The following SV2B variants were observed in gnomAD, a reference collection of about 807,000 sequenced individuals.
The protein encoded by SV2B is solute carrier family 22 member B2.
Under a neutral mutation model 73.9 loss-of-function variants are expected in SV2B, and 41 were observed. That is an observed-to-expected ratio of 0.56 (90% CI 0.43 to 0.72). The LOEUF (loss-of-function observed/expected upper bound fraction) is 0.72, where lower values mean the gene tolerates loss of function less well. SV2B is among the 30% of genes least tolerant of loss of function. SV2B has a pLI of 0.00. For missense variants in SV2B, 764 were observed against 857.8 expected (o/e 0.89, Z 1.37); for synonymous variants, 314 against 314.2 (o/e 1.00, Z 0.01).
chr15:91,153,283 C>T (rs2043372178), intron 1 of SV2B, among the ~76,000 whole-genome samples: 1 of 152,142 alleles, frequency 6.6e-6, no homozygotes, highest in Admixed American at 6.5e-5. Context: ...ACATTCGAAC[C>T]ATAGCAGCAG....
At chr15:91,168,112 A>G (rs1279071478) in intron 1 of SV2B, among the ~76,000 whole-genome samples, 4 of 152,140 alleles carry the variant, frequency 2.6e-5, no homozygotes, top group Non-Finnish European at 5.9e-5. Flanking sequence ...CTTGGGCATG[A>G]ACTAGGATTT....
intron 1 of SV2B, among the ~76,000 whole-genome samples, 168 bp from the exon 2 acceptor site, chr15:91,225,705 C>T (rs1175912030): frequency 1.3e-5 from 2 of 152,160 alleles, no homozygotes; most frequent in Admixed American, 6.5e-5. Context: ...TCCACTCTCA[C>T]CGATTCAATC....
intron 1 of SV2B, among the ~76,000 whole-genome samples, 197 bp from the exon 2 acceptor site, chr15:91,225,676 G>A (rs1039918422): frequency 2.6e-5 from 4 of 152,060 alleles, no homozygotes; most frequent in Non-Finnish European, 1.5e-5. Flanking sequence ...CTCTGACCAC[G>A]GTTCCTTCTC....
chr15:91,226,617 C>T lies in SV2B; in HGVS notation c.354C>T (p.Ala118=). The change falls in exon 2 of 13, where the codon GCC becomes GCT. Residue 118 remains alanine, a synonymous_variant. Transcript: ENST00000394232. ...TCCTCTTTTTCGTCTTGGGTTTGGC[C>T]CTGATGGCCGATGGGGTGGAAGTGT... The part of the protein sequence containing the change: ...QWILFFVLGL[A]LMADGVEVFV... 6.2e-7 allele frequency: 1 copy of T among 1,614,154 alleles called. No individual in the cohort carries two copies. Among genetic ancestry groups the T allele is most frequent in the Non-Finnish European group, 8.5e-7 (1 of 1,180,018 alleles).
At chr15:91,271,270 T>C (rs542597795) in intron 9 of SV2B, among the ~76,000 whole-genome samples, 1 of 152,346 alleles carries the variant, frequency 6.6e-6, no homozygotes, top group East Asian at 1.9e-4. Context: ...AGATGAATTC[T>C]TTTAAGGAGA....
chr15:91,134,566 C>G (rs2042760438), intron 1 of SV2B, among the ~76,000 whole-genome samples: 1 of 152,146 alleles, frequency 6.6e-6, no homozygotes, highest in South Asian at 2.1e-4. Context: ...CAGGCACTGT[C>G]TGGAGCAACT....
chr15:91,113,667 C>T (rs2042097986), intron 1 of SV2B, among the ~76,000 whole-genome samples: 1 of 152,150 alleles, frequency 6.6e-6, no homozygotes, highest in African/African-American at 2.4e-5. Context: ...TCAATATTTT[C>T]CCTTTTCTTC....
chr15:91,270,640 A>C (rs986660548), intron 9 of SV2B, among the ~76,000 whole-genome samples: 3 of 152,226 alleles, frequency 2.0e-5, no homozygotes, highest in Non-Finnish European at 4.4e-5. Flanking sequence ...TGCAGTTCTG[A>C]CACTTAGCTA....
chr15:91,226,365 T>C lies in SV2B; in HGVS notation c.102T>C (p.Asp34=), dbSNP rs1397350798. 8 of 1,613,984 alleles carry C rather than the reference T, an allele frequency of 5.0e-6. No homozygotes were observed. The highest frequency in any genetic ancestry group is 6.8e-6 in the Non-Finnish European group (8 of 1,180,012). ...ACCCAGAAGAAGATGCACAGAGTGATGTCACCGAAGGCCATGATGAGGAAG... is the reference window on the plus strand; with the variant it reads ...ACCCAGAAGAAGATGCACAGAGTGACGTCACCGAAGGCCATGATGAGGAAG... ...ESNPEEDAQS[D]VTEGHDEEDE... is the part of the protein sequence containing the mutation. Residue 34 remains aspartate, a synonymous_variant, in exon 2 of 13, where the codon GAT becomes GAC. Transcript: ENST00000394232.
At chr15:91,203,593 G>A (rs1342825072) in intron 1 of SV2B, among the ~76,000 whole-genome samples, 1 of 152,168 alleles carries the variant, frequency 6.6e-6, no homozygotes, top group Non-Finnish European at 1.5e-5. Flanking sequence ...TCTTGTTACG[G>A]TTTAGCTTGG....
chr15:91,188,566 C>T lies in SV2B; in HGVS notation c.-391-37307C>T, dbSNP rs530194705. Among the ~76,000 whole-genome samples, 69 of 152,120 alleles carry T rather than the reference C, an allele frequency of 4.5e-4. 1 individual carries two copies. Among genetic ancestry groups the T allele is most frequent in the African/African-American group, 1.3e-3 (54 of 41,500 alleles). On this transcript the variant is annotated intron_variant, in intron 1 of 12. Transcript: ENST00000394232. ...TTCTGACCTCGTGATCCACCCACCT[C>T]GGCCTCCCAAAGTGCTGGGATTACA...
chr15:91,103,759 A>T (rs905937777), intron 1 of SV2B, among the ~76,000 whole-genome samples: 7 of 152,208 alleles, frequency 4.6e-5, no homozygotes, highest in Admixed American at 1.3e-4. Flanking sequence ...AGGCTGGGTC[A>T]AGGTCAGAGA....
At chr15:91,222,883 T>A (rs1004898700) in intron 1 of SV2B, among the ~76,000 whole-genome samples, 1 of 152,258 alleles carries the variant, frequency 6.6e-6, no homozygotes, top group Non-Finnish European at 1.5e-5. Flanking sequence ...CACTTGTGGT[T>A]GTTTTATCAT....
intron 1 of SV2B, among the ~76,000 whole-genome samples, chr15:91,163,518 T>C (rs1264982723): frequency 3.3e-5 from 5 of 152,240 alleles, no homozygotes; most frequent in African/African-American, 9.6e-5. Context: ...TGGCCAGTGA[T>C]GATGAGCATT....
Position 91,289,846 on chromosome 15 carries a change from G to C in SV2B, c.1868+166G>C, listed in dbSNP as rs971682156. ...CTTCTCCTGCATGGTGGATGGCATA[G>C]ACCTGAAAGTTGGCAGGCTAGGGCT... On this transcript the variant is annotated intron_variant, in intron 12 of 12. Coordinates refer to ENST00000394232, the MANE Select transcript of SV2B (RefSeq NM_001323032.3). This position sits in a 1 kb window ranked among gnomAD's most constrained non-coding sequence, Gnocchi z 4.9. Among the ~76,000 whole-genome samples, 1 of 152,212 alleles carries C rather than the reference G, an allele frequency of 6.6e-6. No homozygotes were observed. The highest frequency in any genetic ancestry group is 6.5e-5 in the Admixed American group (1 of 15,286).
chr15:91,119,199 A>G (rs2042259315), intron 1 of SV2B, among the ~76,000 whole-genome samples: 1 of 152,250 alleles, frequency 6.6e-6, no homozygotes, highest in Admixed American at 6.5e-5. Context: ...GGTAGGAGCT[A>G]TCTTTTTAAG....
At chr15:91,149,102 A>G (rs779730171) in intron 1 of SV2B, among the ~76,000 whole-genome samples, 5 of 152,232 alleles carry the variant, frequency 3.3e-5, no homozygotes, top group Non-Finnish European at 5.9e-5. Flanking sequence ...TTCAAGATCT[A>G]TTGAAAAATA....
chr15:91,292,545 T>C lies in SV2B; in HGVS notation c.2045T>C (p.Leu682Pro), dbSNP rs1323622758. 6.2e-7 allele frequency: 1 copy of C among 1,612,908 alleles called. No individual in the cohort carries two copies. The highest frequency in any genetic ancestry group is 8.5e-7 in the Non-Finnish European group (1 of 1,179,698). Reference protein sequence around the residue: ...LRLPETREQVLM With the variant: ...LRLPETREQVPM ...CTGCCAGAGACTCGAGAACAGGTCCTGATGTGAACAACCTATGGGAAAAGG... is the reference window on the plus strand; with the variant it reads ...CTGCCAGAGACTCGAGAACAGGTCCCGATGTGAACAACCTATGGGAAAAGG... The change falls in exon 13 of 13, where the codon CTG (leucine) becomes CCG (proline). Residue 682 changes from leucine (L) to proline (P), a missense_variant. Coordinates refer to ENST00000394232, the MANE Select transcript of SV2B (RefSeq NM_001323032.3).
intron 1 of SV2B, among the ~76,000 whole-genome samples, chr15:91,196,315 A>G (rs547666567): frequency 6.6e-6 from 1 of 152,366 alleles, no homozygotes; most frequent in Non-Finnish European, 1.5e-5. Flanking sequence ...CAATTAAAAT[A>G]AGATGCTGTT....
Sources: allele counts gnomAD v4.1 joint callset (sites outside exome capture counted in the v4.1 genomes callset), GRCh38; gene constraint gnomAD v4.1.1; non-coding constraint Gnocchi (gnomAD v3.1); transcripts MANE v1.5; gene names NCBI Gene and HGNC (gene_info 2026-07-23, HGNC 2026-07-21).